NR4A1: variants seen among roughly 807,000 people sequenced by gnomAD.
NR4A1 encodes nuclear receptor subfamily 4 group A member 1, also known as nuclear receptor subfamily 4immunitygroup A member 1.
Under a neutral mutation model 47.5 loss-of-function variants are expected in NR4A1, and 24 were observed. The observed-to-expected ratio is 0.50, with a 90% CI of 0.37 to 0.71. The LOEUF is 0.71. Ranked by LOEUF, NR4A1 falls within the 30% of genes least tolerant of loss-of-function variation. The pLI is 0.00. For missense variants in NR4A1, 669 were observed against 788.6 expected (o/e 0.85, Z 1.82); for synonymous variants, 353 against 345.7 (o/e 1.02, Z -0.24).
chr12:52,054,204 G>A lies in NR4A1; in HGVS notation c.-2-123G>A, dbSNP rs1404968309. ...TGGGTGCTCTGGTCCCGGTGCCTCTGTCTCATCTTTAGGCTGGGATTCCTG... is the reference window on the plus strand; with the variant it reads ...TGGGTGCTCTGGTCCCGGTGCCTCTATCTCATCTTTAGGCTGGGATTCCTG... On this transcript the variant is annotated intron_variant, in intron 1 of 6. Transcript: ENST00000394825. 3.7e-6 allele frequency: 3 copies of A among 815,660 alleles called. No homozygotes were observed. The African/African-American group carries it at 5.2e-5, about 14-fold the overall frequency. 50.5% of individuals were successfully genotyped at this position (815,660 alleles called of 1,614,324 possible).
intron 1 of NR4A1, among the ~76,000 whole-genome samples, chr12:52,039,595 A>AT (rs1485341137): frequency 1.3e-4 from 20 of 152,352 alleles, no homozygotes; most frequent in Admixed American, 1.2e-3. Context: ...CTCCCAGCAC[A>AT]GCTCCAATGC....
chr12:52,052,759 C>T, intron 1 of NR4A1: 1 of 724,178 alleles, frequency 1.4e-6, no homozygotes, highest in African/African-American at 1.9e-5. Context: ...AAGGCAGGAA[C>T]AAGCGCCCAG....
intron 4 of NR4A1, 79 bp from the exon 5 acceptor site, chr12:52,056,978 A>G: frequency 7.5e-7 from 1 of 1,334,186 alleles, no homozygotes; most frequent in Non-Finnish European, 1.0e-6. Flanking sequence ...TCTGGCATCC[A>G]AGTGTCTGAC....
chr12:52,023,445 A>G (rs1217085886), intron 1 of NR4A1, among the ~76,000 whole-genome samples: 1 of 152,142 alleles, frequency 6.6e-6, no homozygotes, highest in Non-Finnish European at 1.5e-5. Flanking sequence ...AGCAGGTGGC[A>G]GCGCCGGAGT....
rs373467926 is a variant in NR4A1 at position 52,056,662 on chromosome 12, T to C, written c.1158+17T>C. Reference sequence around the variant, plus strand: ...TACTCCAAGGTGAGGTCCCACCCCGTGTCTGCCTTGGGGAGGTCTATGAGC... The same window carrying C: ...TACTCCAAGGTGAGGTCCCACCCCGCGTCTGCCTTGGGGAGGTCTATGAGC... On this transcript the variant is annotated intron_variant, in intron 4 of 6. Transcript: ENST00000394825. The C allele has an allele frequency of 8.7e-5, 136 of 1,557,010 alleles. 2 individuals carry two copies. In the African/African-American group the frequency reaches 1.8e-3, roughly 21 times the overall value.
chr12:52,033,119 G>A (rs1384640291), intron 1 of NR4A1, among the ~76,000 whole-genome samples: 1 of 152,164 alleles, frequency 6.6e-6, no homozygotes, highest in Non-Finnish European at 1.5e-5. Context: ...ATCCTGGCTG[G>A]ACCTGCTGCG....
chr12:52,041,911 T>C, exon 2 of NR4A1: 1 of 1,494,982 alleles, frequency 6.7e-7, no homozygotes, highest in Non-Finnish European at 8.9e-7. Flanking sequence ...GGCCAAGGCC[T>C]GTTGGTCCAT....
chr12:52,047,861 C>G (rs1345802625), upstream of NR4A1, among the ~76,000 whole-genome samples: 2 of 152,236 alleles, frequency 1.3e-5, no homozygotes, highest in Admixed American at 1.3e-4. Context: ...TCTCAAAGAG[C>G]TAGCAAGGCT....
At chr12:52,029,347 T>C (rs558027528) in intron 1 of NR4A1, among the ~76,000 whole-genome samples, 1 of 152,366 alleles carries the variant, frequency 6.6e-6, no homozygotes. Flanking sequence ...CTGTGGGTCC[T>C]GCAGTTCTGA....
intron 1 of NR4A1, chr12:52,037,840 T>G (rs2120949013): frequency 1.0e-6 from 1 of 984,588 alleles, no homozygotes; most frequent in Admixed American, 6.2e-5. Flanking sequence ...AAACCAAGGC[T>G]GGGGGTCTCG....
chr12:52,029,238 G>A (rs1320677477), intron 1 of NR4A1, among the ~76,000 whole-genome samples: 1 of 152,210 alleles, frequency 6.6e-6, no homozygotes, highest in African/African-American at 2.4e-5. Context: ...GTGCTCAGAT[G>A]TGGGGGCAGA....
At chr12:52,037,184 G>A (rs938997953) in intron 1 of NR4A1, 23 of 166,748 alleles carry the variant, frequency 1.4e-4, no homozygotes, top group African/African-American at 5.6e-4. Flanking sequence ...CCGCGGGCGC[G>A]GGGGCGGGGG....
chr12:52,047,577 A>G (rs1012228296), upstream of NR4A1, among the ~76,000 whole-genome samples: 3 of 152,240 alleles, frequency 2.0e-5, no homozygotes, highest in African/African-American at 7.2e-5. Context: ...ACCAGGTGGC[A>G]GCTGTAGTTC....
intron 4 of NR4A1, 58 bp downstream of exon 4, chr12:52,056,703 G>C (rs2120514823): frequency 6.7e-7 from 1 of 1,498,868 alleles, no homozygotes; most frequent in African/African-American, 1.4e-5. Flanking sequence ...CAGTGCCTTT[G>C]TGCGTGTTAG....
chr12:52,023,991 G>C (rs1459812457), intron 1 of NR4A1, among the ~76,000 whole-genome samples: 1 of 152,224 alleles, frequency 6.6e-6, no homozygotes, highest in African/African-American at 2.4e-5. Context: ...GACTCGGAAC[G>C]TGCAGAGGTC....
At chr12:52,023,859 G>T (rs971540768) in intron 1 of NR4A1, among the ~76,000 whole-genome samples, 2 of 152,210 alleles carry the variant, frequency 1.3e-5, no homozygotes, top group African/African-American at 4.8e-5. Context: ...CTTGCGGGGC[G>T]GCGGCGCCCT....
chr12:52,035,597 C>T (rs1382122735), intron 1 of NR4A1, among the ~76,000 whole-genome samples: 3 of 152,170 alleles, frequency 2.0e-5, no homozygotes, highest in Non-Finnish European at 4.4e-5. Flanking sequence ...CCCTTTCCCC[C>T]ACCCCAACGC....
chr12:52,029,389 C>T (rs1316480823), intron 1 of NR4A1, among the ~76,000 whole-genome samples: 1 of 152,152 alleles, frequency 6.6e-6, no homozygotes, highest in Non-Finnish European at 1.5e-5. Context: ...GAAACAGGCC[C>T]CTAATGTACT....
intron 4 of NR4A1, 182 bp downstream of exon 4, chr12:52,056,827 C>G: frequency 1.2e-6 from 1 of 864,860 alleles, no homozygotes; most frequent in Non-Finnish European, 1.7e-6. Flanking sequence ...TCTCGGCTGA[C>G]CAGATGGGAA....
Sources: allele counts gnomAD v4.1 joint callset (sites outside exome capture counted in the v4.1 genomes callset), GRCh38; gene constraint gnomAD v4.1.1; transcripts MANE v1.5; gene names NCBI Gene and HGNC (gene_info 2026-07-23, HGNC 2026-07-21).